The following ARL15 variants were observed in gnomAD, a reference collection of about 807,000 sequenced individuals.
ARL15 encodes the protein ADP-ribosylation factor-like protein 15.
Under a neutral mutation model 25.2 loss-of-function variants are expected in ARL15, and 19 were observed. That is an observed-to-expected ratio of 0.75 (90% CI 0.53 to 1.10). The LOEUF is 1.10. Ranked by LOEUF, ARL15 falls within the 50% of genes least tolerant of loss-of-function variation. The pLI is 0.00. For synonymous variants in ARL15, 94 were observed against 86.8 expected (o/e 1.08, Z -0.46); for missense variants, 220 against 246.0 (o/e 0.89, Z 0.71).
chr5:54,085,850 A>T (rs923185774), intron 4 of ARL15, among the ~76,000 whole-genome samples: 3 of 151,898 alleles, frequency 2.0e-5, no homozygotes, highest in African/African-American at 7.3e-5. Context: ...GATGGGTCCC[A>T]GGAGAGGCAG....
In ARL15 at chr5:54,203,538, T is replaced by C. The variant is rs146919587; in HGVS notation, c.49-31610A>G. Among the ~76,000 whole-genome samples, 20 of 152,320 alleles carry C rather than the reference T, an allele frequency of 1.3e-4. No homozygotes were observed. The East Asian group carries it at 3.7e-3, about 28-fold the overall frequency. On this transcript the variant is annotated intron_variant, in intron 1 of 4. Coordinates refer to ENST00000504924, the MANE Select transcript of ARL15 (RefSeq NM_019087.3). ...ATAATCTCTTGTTTTTCTTTCCTTATATAAAGTCTTTGAAAGTATGAGAAA... is the reference window on the plus strand; with the variant it reads ...ATAATCTCTTGTTTTTCTTTCCTTACATAAAGTCTTTGAAAGTATGAGAAA...
At chr5:54,307,793 A>T (rs1561303436) in intron 1 of ARL15, 1 of 152,206 alleles carries the variant, frequency 6.6e-6, no homozygotes. Context: ...TCTCTCTTCC[A>T]GTTTCCAACA....
intron 4 of ARL15, among the ~76,000 whole-genome samples, chr5:54,068,650 C>A (rs910158964): frequency 4.6e-5 from 7 of 152,096 alleles, no homozygotes; most frequent in Admixed American, 1.3e-4. Flanking sequence ...TTAGCCAAAA[C>A]AAAGCAGACA....
At chr5:54,298,296 A>C in intron 1 of ARL15, among the ~76,000 whole-genome samples, 1 of 152,152 alleles carries the variant, frequency 6.6e-6, no homozygotes, top group Non-Finnish European at 1.5e-5. Flanking sequence ...TACACAAGGA[A>C]AGAAAAAAGA....
intron 4 of ARL15, among the ~76,000 whole-genome samples, chr5:53,909,504 C>T (rs1425594763): frequency 1.3e-5 from 2 of 152,130 alleles, no homozygotes; most frequent in African/African-American, 2.4e-5. Context: ...GTCAGGAGTT[C>T]GAGACCAGCC....
intron 4 of ARL15, among the ~76,000 whole-genome samples, chr5:54,093,971 G>C (rs1435550432): frequency 6.6e-6 from 1 of 152,138 alleles, no homozygotes; most frequent in Non-Finnish European, 1.5e-5. Flanking sequence ...TGTGTTTTCA[G>C]TGTGGTCTCA....
At chr5:54,015,717 T>G (rs972673718) in intron 4 of ARL15, among the ~76,000 whole-genome samples, 4 of 152,180 alleles carry the variant, frequency 2.6e-5, no homozygotes, top group African/African-American at 9.7e-5. Flanking sequence ...GCTTGAGGTG[T>G]GTATGGGTGT....
chr5:54,208,991 G>A (rs1755955948), intron 1 of ARL15, among the ~76,000 whole-genome samples: 2 of 152,116 alleles, frequency 1.3e-5, no homozygotes, highest in Admixed American at 1.3e-4. Flanking sequence ...TGAATGATGA[G>A]GACGTAGCAA....
intron 1 of ARL15, among the ~76,000 whole-genome samples, chr5:54,250,163 G>A (rs561576943): frequency 6.6e-6 from 1 of 152,036 alleles, no homozygotes; most frequent in East Asian, 1.9e-4. Context: ...CAAGAGGTGG[G>A]GGTCGAGGGA....
chr5:54,082,578 C>T (rs1333856964), intron 4 of ARL15, among the ~76,000 whole-genome samples: 1 of 152,142 alleles, frequency 6.6e-6, no homozygotes, highest in Non-Finnish European at 1.5e-5. Flanking sequence ...TCCAGAGATA[C>T]ACTAAAGACA....
At chr5:54,148,707 G>A (rs1753981811) in intron 3 of ARL15, among the ~76,000 whole-genome samples, 1 of 152,278 alleles carries the variant, frequency 6.6e-6, no homozygotes, top group African/African-American at 2.4e-5. Flanking sequence ...GGTAAGGATG[G>A]TGGCTGGGAT....
At chr5:54,126,564 T>A (rs1269237013) in intron 3 of ARL15, among the ~76,000 whole-genome samples, 5 of 152,252 alleles carry the variant, frequency 3.3e-5, no homozygotes. Flanking sequence ...CCAAAAAGCA[T>A]GTATTGGGAA....
intron 4 of ARL15, among the ~76,000 whole-genome samples, chr5:54,095,539 T>C (rs1752260135): frequency 6.6e-6 from 1 of 152,154 alleles, no homozygotes; most frequent in East Asian, 1.9e-4. Flanking sequence ...GGGAGGAAGC[T>C]GGATGTTTAC....
At chr5:54,013,241 T>C (rs1326758889) in intron 4 of ARL15, among the ~76,000 whole-genome samples, 2 of 152,256 alleles carry the variant, frequency 1.3e-5, no homozygotes, top group South Asian at 2.1e-4. Context: ...TTATCTCATA[T>C]AGGTTAAGCA....
intron 1 of ARL15, among the ~76,000 whole-genome samples, chr5:54,275,915 G>A (rs1046786779): frequency 4.7e-5 from 7 of 148,486 alleles, no homozygotes; most frequent in Non-Finnish European, 1.0e-4. Context: ...GGATGGTCTC[G>A]ATCTCCTGAC....
intron 4 of ARL15, among the ~76,000 whole-genome samples, chr5:54,028,837 C>A (rs1203035206): frequency 1.3e-5 from 2 of 152,046 alleles, no homozygotes; most frequent in African/African-American, 2.4e-5. Context: ...CATAGCACGA[C>A]CCCATCTCTA....
chr5:53,911,852 G>C (rs894925608), intron 4 of ARL15, among the ~76,000 whole-genome samples: 13 of 152,254 alleles, frequency 8.5e-5, no homozygotes, highest in Admixed American at 5.9e-4. Context: ...TCAGGGTAGT[G>C]ATGGTGGAAT....
chr5:54,090,195 A>G (rs952718912), intron 4 of ARL15, among the ~76,000 whole-genome samples: 1 of 152,212 alleles, frequency 6.6e-6, no homozygotes, highest in African/African-American at 2.4e-5. Flanking sequence ...AGAATGAATA[A>G]ATCAATTGTG....
chr5:54,119,779 G>A (rs944917596), intron 3 of ARL15, among the ~76,000 whole-genome samples: 2 of 152,084 alleles, frequency 1.3e-5, no homozygotes, highest in Non-Finnish European at 2.9e-5. Flanking sequence ...AGTTACTACC[G>A]TGTGAGTTGT....
Sources: allele counts gnomAD v4.1 joint callset (sites outside exome capture counted in the v4.1 genomes callset), GRCh38; gene constraint gnomAD v4.1.1; transcripts MANE v1.5; gene names NCBI Gene and HGNC (gene_info 2026-07-23, HGNC 2026-07-21).